SNX9: variants seen among roughly 807,000 people sequenced by gnomAD.
The protein encoded by SNX9 is sorting nexin 9, also known as sorting nexin-9.
Under a neutral mutation model 89.4 loss-of-function variants are expected in SNX9, and 44 were observed. That is an observed-to-expected ratio of 0.49 (90% CI 0.39 to 0.63). SNX9 has a LOEUF of 0.63. SNX9 is among the 30% of genes least tolerant of loss of function. The pLI, the probability that SNX9 is intolerant of heterozygous loss-of-function variation, is 0.00. For missense variants in SNX9, 578 were observed against 736.1 expected (o/e 0.79, Z 2.49); for synonymous variants, 236 against 247.8 (o/e 0.95, Z 0.45).
intron 1 of SNX9, among the ~76,000 whole-genome samples, chr6:157,860,131 A>G (rs1333730443): frequency 4.6e-5 from 7 of 152,104 alleles, no homozygotes; most frequent in Admixed American, 3.9e-4. Flanking sequence ...AGGAAAAGCA[A>G]CCCCTCATTT....
chr6:157,834,327 A>G (rs1233146893), intron 1 of SNX9, among the ~76,000 whole-genome samples: 1 of 149,270 alleles, frequency 6.7e-6, no homozygotes, highest in African/African-American at 2.5e-5. Flanking sequence ...GTGCCAGCAC[A>G]CCTGGCTAAT....
intron 2 of SNX9, among the ~76,000 whole-genome samples, chr6:157,870,468 CACAT>C (rs1782377841): frequency 6.6e-6 from 1 of 151,272 alleles, no homozygotes; most frequent in African/African-American, 2.4e-5. Flanking sequence ...CCCGTGCAAG[CACAT>C]ACACCCTGCA....
intron 5 of SNX9, among the ~76,000 whole-genome samples, chr6:157,898,560 T>G (rs1190841062): frequency 1.3e-5 from 2 of 152,206 alleles, no homozygotes; most frequent in Non-Finnish European, 2.9e-5. Context: ...TCCTGCTGGT[T>G]TAAGACCTCT....
chr6:157,823,256 G>C lies in SNX9; in HGVS notation c.-179G>C, dbSNP rs1781269326. On this transcript the variant is annotated 5_prime_UTR_variant, in exon 1 of 18. Transcript: ENST00000392185. The surrounding 1 kb of genome is among the most constrained non-coding windows in gnomAD (Gnocchi z 4.6). Reference sequence around the variant, plus strand: ...AGGAGCGTGCGGCGCGGGAGTAGCCGAGCGCCCAGCGGCTGGGCCTGAGCG... The same window carrying C: ...AGGAGCGTGCGGCGCGGGAGTAGCCCAGCGCCCAGCGGCTGGGCCTGAGCG... 6.2e-6 allele frequency: 2 copies of C among 324,820 alleles called. No individual in the cohort carries two copies. Among genetic ancestry groups the C allele is most frequent in the Admixed American group, 5.5e-5 (1 of 18,236 alleles). 20.1% of individuals were successfully genotyped at this position (324,820 alleles called of 1,614,324 possible). A position where few individuals can be genotyped will look rare whatever the true frequency, so the allele number is the denominator to read the frequency against.
chr6:157,925,280 A>G (rs917254989), intron 10 of SNX9, among the ~76,000 whole-genome samples: 11 of 150,886 alleles, frequency 7.3e-5, no homozygotes, highest in Admixed American at 7.2e-4. Flanking sequence ...ATCAATAAAT[A>G]CACATTAAAA....
intron 1 of SNX9, among the ~76,000 whole-genome samples, chr6:157,838,920 C>T (rs1250526972): frequency 1.3e-5 from 2 of 152,124 alleles, no homozygotes; most frequent in African/African-American, 4.8e-5. Flanking sequence ...CCTTTGTGGC[C>T]GAGGACATAG....
At chr6:157,864,376 C>T (rs576752583) in intron 1 of SNX9, among the ~76,000 whole-genome samples, 1 of 152,278 alleles carries the variant, frequency 6.6e-6, no homozygotes, top group Non-Finnish European at 1.5e-5. Context: ...TTGGAGGGTC[C>T]AAACCCTCTA....
intron 6 of SNX9, among the ~76,000 whole-genome samples, chr6:157,902,556 G>T (rs1410954296): frequency 1.3e-5 from 2 of 152,178 alleles, no homozygotes; most frequent in East Asian, 3.8e-4. Flanking sequence ...CAGGAAGCCA[G>T]GCCCTCAGGC....
chr6:157,852,362 G>A (rs1321452297), intron 1 of SNX9, among the ~76,000 whole-genome samples: 2 of 152,110 alleles, frequency 1.3e-5, no homozygotes, highest in South Asian at 4.1e-4. Context: ...GACATCAAAA[G>A]CTGCTTTGCA....
At chr6:157,869,885 A>T (rs999608318) in intron 2 of SNX9, among the ~76,000 whole-genome samples, 1 of 151,918 alleles carries the variant, frequency 6.6e-6, no homozygotes. Context: ...ATGCGTGCAC[A>T]TGCACACACA....
intron 9 of SNX9, among the ~76,000 whole-genome samples, chr6:157,914,158 A>G (rs1049868842): frequency 6.6e-6 from 1 of 152,188 alleles, no homozygotes; most frequent in African/African-American, 2.4e-5. Flanking sequence ...TGCACTTGAT[A>G]GTGTCAGTTT....
At chr6:157,872,564 G>A (rs1295906975) in intron 2 of SNX9, 1 of 152,446 alleles carries the variant, frequency 6.6e-6, no homozygotes, top group African/African-American at 2.4e-5. Context: ...TCTCTGGGTT[G>A]GCTGGCTTTG....
In SNX9 at chr6:157,882,949, C is replaced by T. The variant is rs997260315; in HGVS notation, c.300+7773C>T. Among the ~76,000 whole-genome samples, 8 of 152,328 alleles carry T rather than the reference C, an allele frequency of 5.3e-5. No homozygotes were observed. The East Asian group carries it at 1.5e-3, about 29-fold the overall frequency. On this transcript the variant is annotated intron_variant, in intron 4 of 17. Coordinates refer to ENST00000392185, the MANE Select transcript of SNX9 (RefSeq NM_016224.5). ...GATTCCAGTTTTGAAAGAAGTTCTA[C>T]TGTGGGCAAAATGCTATCAAACAGC... is the stretch of plus-strand genomic sequence containing the variant.
chr6:157,828,564 G>A lies in SNX9; in HGVS notation c.12+5118G>A, dbSNP rs190385827. Among the ~76,000 whole-genome samples, 13 of 152,224 alleles carry A rather than the reference G, an allele frequency of 8.5e-5. No individual in the cohort carries two copies. The East Asian group carries it at 2.5e-3, about 29-fold the overall frequency. On this transcript the variant is annotated intron_variant, in intron 1 of 17. Coordinates refer to ENST00000392185, the MANE Select transcript of SNX9 (RefSeq NM_016224.5). ...GCTGGAGTGCAGTGGCACGAACACA[G>A]CTCACGGCAGTCTCGACTTCCCTGG...
chr6:157,904,866 G>A (rs12173983), intron 6 of SNX9, among the ~76,000 whole-genome samples: 7,001 of 152,196 alleles, frequency 0.046, 200 homozygotes, highest in East Asian at 0.11. Context: ...AATGGATAGC[G>A]GCAGTCAGGT....
At chr6:157,839,572 C>A (rs565904024) in intron 1 of SNX9, among the ~76,000 whole-genome samples, 1 of 152,268 alleles carries the variant, frequency 6.6e-6, no homozygotes, top group African/African-American at 2.4e-5. Context: ...TTGCACAGTC[C>A]AAGTGGGGGA....
chr6:157,873,891 A>G (rs1032596420), intron 3 of SNX9, among the ~76,000 whole-genome samples: 4 of 152,054 alleles, frequency 2.6e-5, no homozygotes, highest in Non-Finnish European at 4.4e-5. Flanking sequence ...CCTGCCTGGG[A>G]CACCCCCAAG....
rs1781272127 is a variant in SNX9 at position 157,823,336 on chromosome 6, G to A, written c.-99G>A. 2 of 1,098,124 alleles carry A rather than the reference G, an allele frequency of 1.8e-6. No individual in the cohort carries two copies. The highest frequency in any genetic ancestry group is 2.3e-6 in the Non-Finnish European group (2 of 880,730). The allele number at this position is 1,098,124 out of a possible 1,614,324, so 68.0% of individuals were successfully genotyped here. A position where few individuals can be genotyped will look rare whatever the true frequency, so the allele number is the denominator to read the frequency against. ...GCCGCCGCGCCGGGGCCCAGCCGGA[G>A]CCGCCGCCCTCGCCCTTGCCTTTGC... On this transcript the variant is annotated 5_prime_UTR_variant, in exon 1 of 18. Transcript: ENST00000392185. The surrounding 1 kb of genome is among the most constrained non-coding windows in gnomAD (Gnocchi z 4.6).
intron 10 of SNX9, among the ~76,000 whole-genome samples, chr6:157,922,065 A>G (rs1343467591): frequency 6.6e-6 from 1 of 152,174 alleles, no homozygotes; most frequent in East Asian, 1.9e-4. Context: ...TGATGGCAGG[A>G]AAGGGAGAGG....
Sources: gnomAD v4.1 joint callset for allele counts (sites outside exome capture counted in the v4.1 genomes callset) on GRCh38, gnomAD v4.1.1 for gene constraint, Gnocchi (gnomAD v3.1) non-coding constraint, MANE v1.5 for transcripts, NCBI Gene and HGNC (gene_info 2026-07-23, HGNC 2026-07-21) for gene names.